KIAA1328: variants seen among roughly 807,000 people sequenced by gnomAD.
KIAA1328 encodes the protein KIAA1328, also known as protein hinderin.
A neutral mutation model predicts 68.1 loss-of-function variants in KIAA1328; 52 were observed. The observed-to-expected ratio is 0.76, with a 90% CI of 0.61 to 0.96. The LOEUF is 0.96. Ranked by LOEUF, KIAA1328 falls within the 40% of genes least tolerant of loss-of-function variation. KIAA1328 has a pLI of 0.00. For missense variants in KIAA1328, 641 were observed against 677.6 expected (o/e 0.95, Z 0.60); for synonymous variants, 232 against 239.4 (o/e 0.97, Z 0.28).
At chr18:36,964,325 T>G (rs537476898) in intron 6 of KIAA1328, among the ~76,000 whole-genome samples, 1 of 152,212 alleles carries the variant, frequency 6.6e-6, no homozygotes, top group Non-Finnish European at 1.5e-5. Context: ...AATTTTATTC[T>G]CAAATTTTTA....
chr18:37,078,969 C>A (rs1014636647), intron 7 of KIAA1328, among the ~76,000 whole-genome samples: 1 of 151,902 alleles, frequency 6.6e-6, no homozygotes, highest in African/African-American at 2.4e-5. Context: ...ACCCAGCAAT[C>A]CCATTACTGG....
intron 7 of KIAA1328, among the ~76,000 whole-genome samples, chr18:37,092,944 G>A (rs1024692048): frequency 6.6e-6 from 1 of 152,126 alleles, no homozygotes; most frequent in Non-Finnish European, 1.5e-5. Context: ...GGGAGACTGA[G>A]ACTGGCACAC....
chr18:37,086,962 T>C (rs1259896146), intron 7 of KIAA1328, among the ~76,000 whole-genome samples: 6 of 152,240 alleles, frequency 3.9e-5, no homozygotes, highest in Non-Finnish European at 2.9e-5. Context: ...TGCTAATGTA[T>C]TGTCTCTTTT....
intron 9 of KIAA1328, among the ~76,000 whole-genome samples, chr18:37,204,615 T>C (rs1222830243): frequency 6.6e-6 from 1 of 152,152 alleles, no homozygotes; most frequent in Admixed American, 6.5e-5. Flanking sequence ...TTTTAGAGCA[T>C]AAGGTAGTAA....
At chr18:36,877,620 C>T (rs1487398265) in intron 4 of KIAA1328, among the ~76,000 whole-genome samples, 1 of 147,920 alleles carries the variant, frequency 6.8e-6, no homozygotes, top group Non-Finnish European at 1.5e-5. Flanking sequence ...GAATACAGCA[C>T]ACCGATGGGT....
At chr18:37,081,409 C>A (rs909784507) in intron 7 of KIAA1328, among the ~76,000 whole-genome samples, 2 of 152,158 alleles carry the variant, frequency 1.3e-5, no homozygotes, top group African/African-American at 4.8e-5. Flanking sequence ...ATCAGTATCA[C>A]AATTTATATT....
intron 5 of KIAA1328, among the ~76,000 whole-genome samples, chr18:36,938,028 T>C (rs2151173317): frequency 6.6e-6 from 1 of 152,334 alleles, no homozygotes; most frequent in South Asian, 2.1e-4. Context: ...TTCTGTGTCT[T>C]GACTATTGTA....
chr18:37,159,953 A>T (rs576498063), intron 7 of KIAA1328, among the ~76,000 whole-genome samples: 1 of 152,244 alleles, frequency 6.6e-6, no homozygotes, highest in African/African-American at 2.4e-5. Flanking sequence ...CTGTTTCATC[A>T]GTTTGAATCT....
chr18:36,863,589 T>C (rs1019576569), intron 4 of KIAA1328, among the ~76,000 whole-genome samples: 1 of 152,202 alleles, frequency 6.6e-6, no homozygotes, highest in Non-Finnish European at 1.5e-5. Flanking sequence ...TACATTAAAC[T>C]ATAGATCAAA....
At chr18:37,198,074 G>A (rs1269787699) in intron 9 of KIAA1328, among the ~76,000 whole-genome samples, 2 of 152,104 alleles carry the variant, frequency 1.3e-5, no homozygotes, top group East Asian at 3.9e-4. Context: ...AGTGAAAGAA[G>A]CCAGTCACAA....
chr18:36,918,355 A>G (rs2049788560), intron 5 of KIAA1328, among the ~76,000 whole-genome samples: 2 of 149,804 alleles, frequency 1.3e-5, no homozygotes, highest in Admixed American at 1.3e-4. Context: ...CTTTGGGCTT[A>G]ATTTGCTCAT....
intron 5 of KIAA1328, among the ~76,000 whole-genome samples, chr18:36,923,442 C>T (rs1336964355): frequency 6.6e-6 from 1 of 151,808 alleles, no homozygotes; most frequent in African/African-American, 2.4e-5. Flanking sequence ...AGACAAATTA[C>T]CAAATTAGGA....
At chr18:36,979,176 T>G (rs2052586064) in intron 6 of KIAA1328, among the ~76,000 whole-genome samples, 1 of 145,386 alleles carries the variant, frequency 6.9e-6, no homozygotes, top group Admixed American at 7.2e-5. Flanking sequence ...AATAATAAAA[T>G]AAAATTTAAA....
At chr18:36,942,515 C>T (rs985985115) in intron 5 of KIAA1328, among the ~76,000 whole-genome samples, 2 of 152,158 alleles carry the variant, frequency 1.3e-5, no homozygotes, top group Non-Finnish European at 2.9e-5. Flanking sequence ...CTTAGTTTTG[C>T]AGCTATACGT....
intron 7 of KIAA1328, among the ~76,000 whole-genome samples, chr18:37,156,270 G>A (rs2059149354): frequency 1.3e-5 from 2 of 151,710 alleles, no homozygotes; most frequent in Admixed American, 6.6e-5. Flanking sequence ...AGCCGGGCAT[G>A]TAACAAAATT....
In KIAA1328 at chr18:36,992,607, C is replaced by CTAA. The variant is rs201818515; in HGVS notation, c.576+33174_576+33175insATA. Among the ~76,000 whole-genome samples, 130 of 152,100 alleles carry CTAA rather than the reference C, an allele frequency of 8.5e-4. 2 individuals are homozygous for CTAA. The East Asian group carries it at 0.02, about 23-fold the overall frequency. On this transcript the variant is annotated intron_variant, in intron 6 of 9. Coordinates refer to ENST00000280020, the MANE Select transcript of KIAA1328 (RefSeq NM_020776.3). Reference sequence around the variant, plus strand: ...GCCATGCAGCAGTTCTGGAAAGAAGCTACTTAAGAGGAAATCAGTATGTAA... The same window carrying CTAA: ...GCCATGCAGCAGTTCTGGAAAGAAGCTAATACTTAAGAGGAAATCAGTATGTAA...
At chr18:37,147,618 A>C (rs1251501368) in intron 7 of KIAA1328, among the ~76,000 whole-genome samples, 1 of 152,120 alleles carries the variant, frequency 6.6e-6, no homozygotes, top group African/African-American at 2.4e-5. Context: ...CTCACTCTCC[A>C]AACTCCTTCT....
At chr18:36,888,823 C>T (rs1045467727) in intron 5 of KIAA1328, among the ~76,000 whole-genome samples, 8 of 151,966 alleles carry the variant, frequency 5.3e-5, no homozygotes, top group African/African-American at 1.7e-4. Context: ...GATACATTTA[C>T]CTATCATACA....
chr18:36,856,549 A>T (rs1316035926), intron 4 of KIAA1328, among the ~76,000 whole-genome samples: 8 of 148,686 alleles, frequency 5.4e-5, no homozygotes, highest in African/African-American at 7.7e-5. Context: ...CTTTATTGAT[A>T]TTCTCTATTT....
Sources: gnomAD v4.1 joint callset for allele counts (sites outside exome capture counted in the v4.1 genomes callset) on GRCh38, gnomAD v4.1.1 for gene constraint, MANE v1.5 for transcripts, NCBI Gene and HGNC (gene_info 2026-07-23, HGNC 2026-07-21) for gene names.